The following ACYP2 variants were observed in gnomAD, a reference collection of about 807,000 sequenced individuals.
The protein encoded by ACYP2 is acylphosphatase-2.
In ACYP2, 12 loss-of-function variants were observed where a neutral mutation model predicts 11.2. The ratio of observed to expected loss-of-function variants is 1.08; its 90% CI spans 0.69 to 1.74. The LOEUF (loss-of-function observed/expected upper bound fraction) is 1.74. ACYP2 is among the 40% of genes most tolerant of loss of function. The probability of loss-of-function intolerance (pLI) is 0.00; values close to 1 mark genes in which losing one functional copy is unlikely to be tolerated. For synonymous variants in ACYP2, 43 were observed against 32.2 expected, an observed-to-expected ratio of 1.33 and a Z score of -1.13; for missense variants, 134 against 101.9, an observed-to-expected ratio of 1.31 and a Z score of -1.35.
At chr2:54,263,282 T>G (rs971349958) in intron 6 of ACYP2, among the ~76,000 whole-genome samples, 10 of 152,122 alleles carry the variant, frequency 6.6e-5, no homozygotes, top group African/African-American at 2.4e-4. Context: ...CCAGATCTTG[T>G]GAGAACTCAC....
chr2:54,000,148 C>T (rs1672737515), intron 2 of ACYP2, among the ~76,000 whole-genome samples: 1 of 151,628 alleles, frequency 6.6e-6, no homozygotes, highest in South Asian at 2.1e-4. Context: ...TACTAAGAAG[C>T]TCATTGAGCT....
intron 2 of ACYP2, chr2:54,029,662 T>C (rs1674478939): frequency 2.3e-6 from 1 of 432,446 alleles, no homozygotes; most frequent in South Asian, 2.0e-5. Flanking sequence ...TTCTCTTAGC[T>C]TGTAGAGTGC....
In ACYP2 at chr2:54,138,704, C is replaced by G; in HGVS notation, c.360C>G (p.Thr120=). 1 of 1,613,972 alleles carries G rather than the reference C, an allele frequency of 6.2e-7. No individual in the cohort carries two copies. The highest frequency in any genetic ancestry group is 8.5e-7 in the Non-Finnish European group (1 of 1,179,956). ...GGGTGAAGAATACCAGCAAAGGCACCGTGACAGGCCAAGTGCAGGGGCCAG... is the reference window on the plus strand; with the variant it reads ...GGGTGAAGAATACCAGCAAAGGCACGGTGACAGGCCAAGTGCAGGGGCCAG... Residue 120 remains threonine (T), a synonymous_variant, in exon 6 of 7, where the codon ACC becomes ACG. Coordinates refer to ENST00000607452, the MANE Select transcript of ACYP2 (RefSeq NM_001320586.2).
chr2:54,256,555 C>G (rs894180073), intron 6 of ACYP2, among the ~76,000 whole-genome samples: 4 of 152,126 alleles, frequency 2.6e-5, no homozygotes, highest in African/African-American at 7.2e-5. Flanking sequence ...TTTGTACATG[C>G]TAGATACTAG....
At chr2:54,197,935 A>T (rs1245950376) in intron 6 of ACYP2, among the ~76,000 whole-genome samples, 2 of 130,896 alleles carry the variant, frequency 1.5e-5, no homozygotes, top group Non-Finnish European at 3.5e-5. Context: ...TTATTTATGT[A>T]TGTATTATAT....
intron 4 of ACYP2, among the ~76,000 whole-genome samples, chr2:54,101,107 C>A (rs1678867846): frequency 6.6e-6 from 1 of 152,126 alleles, no homozygotes; most frequent in Non-Finnish European, 1.5e-5. Context: ...CCCACGGAGC[C>A]TCAAAGAATC....
At chr2:54,093,372 GA>G (rs1390923649) in intron 4 of ACYP2, among the ~76,000 whole-genome samples, 5 of 152,222 alleles carry the variant, frequency 3.3e-5, no homozygotes, top group Non-Finnish European at 5.9e-5. Context: ...TTAGGTGGGA[GA>G]TTTGCTTTTC....
At chr2:54,239,360 T>C (rs1325906232) in intron 6 of ACYP2, among the ~76,000 whole-genome samples, 6 of 152,228 alleles carry the variant, frequency 3.9e-5, no homozygotes, top group African/African-American at 1.2e-4. Context: ...CTTGTTCTTT[T>C]AGCTAGCTTC....
intron 4 of ACYP2, among the ~76,000 whole-genome samples, chr2:54,086,992 C>G (rs967519690): frequency 6.6e-6 from 1 of 152,214 alleles, no homozygotes; most frequent in Non-Finnish European, 1.5e-5. Context: ...CTACAGGCAA[C>G]TAGTAGAGCT....
At chr2:53,991,830 G>T (rs74259919) in intron 2 of ACYP2, among the ~76,000 whole-genome samples, 32,868 of 151,774 alleles carry the variant, frequency 0.22, 4,023 homozygotes, top group East Asian at 0.42. Flanking sequence ...TAAGTATGTT[G>T]TACAAGATGG....
intron 6 of ACYP2, among the ~76,000 whole-genome samples, chr2:54,293,240 C>A (rs1277958655): frequency 6.6e-6 from 1 of 152,160 alleles, no homozygotes; most frequent in African/African-American, 2.4e-5. Flanking sequence ...TACCACTGTG[C>A]CAGCACCTAT....
chr2:53,994,991 A>G (rs567603754), intron 2 of ACYP2, among the ~76,000 whole-genome samples: 4 of 152,298 alleles, frequency 2.6e-5, no homozygotes, highest in Admixed American at 2.6e-4. Flanking sequence ...TATGTTTTCA[A>G]CACCGCTATG....
chr2:54,125,282 T>G (rs1385767798), intron 4 of ACYP2, among the ~76,000 whole-genome samples: 1 of 152,194 alleles, frequency 6.6e-6, no homozygotes, highest in African/African-American at 2.4e-5. Context: ...ATGTATATAC[T>G]ATGTGTGTTT....
Position 54,069,781 on chromosome 2 carries a change from C to T in ACYP2, c.277+12421C>T, listed in dbSNP as rs541364574. ...TGAGGGTGACCAGCTGATGAATATG[C>T]TAGTTGGCCACTAAGTTTTTGAATT... On this transcript the variant is annotated intron_variant, in intron 4 of 6. Coordinates refer to ENST00000607452, the MANE Select transcript of ACYP2 (RefSeq NM_001320586.2). 2.0e-5 allele frequency among the ~76,000 whole-genome samples: 3 copies of T among 152,282 alleles called. No individual in the cohort carries two copies. In the East Asian group the frequency reaches 5.8e-4, roughly 29 times the overall value.
chr2:54,096,339 A>G (rs952552728), intron 4 of ACYP2, among the ~76,000 whole-genome samples: 1 of 141,196 alleles, frequency 7.1e-6, no homozygotes, highest in African/African-American at 2.7e-5. Flanking sequence ...GACGCTCCTC[A>G]CTTTCCAGAC....
chr2:53,972,291 C>A (rs1415282001), intron 1 of ACYP2, among the ~76,000 whole-genome samples: 1 of 144,576 alleles, frequency 6.9e-6, no homozygotes, highest in East Asian at 2.1e-4. Context: ...GCCTGGGCAA[C>A]AAGAGCGAAA....
At chr2:54,098,362 C>T (rs947464041) in intron 4 of ACYP2, among the ~76,000 whole-genome samples, 2 of 152,120 alleles carry the variant, frequency 1.3e-5, no homozygotes, top group African/African-American at 2.4e-5. Flanking sequence ...GAAGGGCCCA[C>T]GTTGAATTTG....
At chr2:54,191,226 TGCA>T (rs1171807848) in intron 6 of ACYP2, among the ~76,000 whole-genome samples, 2 of 152,114 alleles carry the variant, frequency 1.3e-5, no homozygotes, top group African/African-American at 4.8e-5. Flanking sequence ...GTCCTTGCCA[TGCA>T]GCAGTTCAAG....
intron 6 of ACYP2, among the ~76,000 whole-genome samples, chr2:54,177,612 C>T (rs1683518719): frequency 8.3e-6 from 1 of 121,160 alleles, no homozygotes; most frequent in Non-Finnish European, 1.6e-5. Context: ...GAGTCTCACT[C>T]TGTCACCCAG....
Sources: allele counts gnomAD v4.1 joint callset (sites outside exome capture counted in the v4.1 genomes callset), GRCh38; gene constraint gnomAD v4.1.1; transcripts MANE v1.5; gene names NCBI Gene and HGNC (gene_info 2026-07-23, HGNC 2026-07-21).